The following THSD7A variants were observed in gnomAD, a reference collection of about 807,000 sequenced individuals.
THSD7A encodes the protein thrombospondin type 1 domain containing 7A.
In THSD7A, 96 loss-of-function variants were observed where a neutral mutation model predicts 231.3. The observed-to-expected ratio is 0.41, with a 90% confidence interval of 0.35 to 0.49. The LOEUF (loss-of-function observed/expected upper bound fraction) is 0.49. THSD7A is among the 20% of genes least tolerant of loss of function. The pLI, the probability that THSD7A is intolerant of heterozygous loss-of-function variation, is 0.05. For missense variants in THSD7A, 2,290 were observed against 2,070.2 expected (o/e 1.11, Z -2.06); for synonymous variants, 940 against 743.3 (o/e 1.26, Z -4.30).
intron 1 of THSD7A, among the ~76,000 whole-genome samples, chr7:11,793,186 A>C (rs900961634): frequency 6.6e-6 from 1 of 151,994 alleles, no homozygotes; most frequent in Admixed American, 6.6e-5. Flanking sequence ...GTAAAAAAAT[A>C]AAGATGGGGT....
intron 7 of THSD7A, among the ~76,000 whole-genome samples, chr7:11,475,995 A>G (rs1786158803): frequency 6.7e-6 from 1 of 149,406 alleles, no homozygotes; most frequent in South Asian, 2.1e-4. Context: ...GAGTTAACAA[A>G]TTGTATACCC....
chr7:11,622,124 C>G lies in THSD7A; in HGVS notation c.1022+14006G>C, dbSNP rs534705298. ...AAAATGTATATATTTACAAAGTAAA[C>G]ATTTATCTTTTTAATATTGGTCTTG... On this transcript the variant is annotated intron_variant, in intron 2 of 27. Coordinates refer to ENST00000423059, the MANE Select transcript of THSD7A (RefSeq NM_015204.3). 5.3e-5 allele frequency among the ~76,000 whole-genome samples: 8 copies of G among 152,026 alleles called. No homozygotes were observed. The South Asian group carries it at 1.7e-3, about 31-fold the overall frequency.
chr7:11,764,880 A>G (rs553902667), intron 1 of THSD7A, among the ~76,000 whole-genome samples: 1 of 152,202 alleles, frequency 6.6e-6, no homozygotes, highest in South Asian at 2.1e-4. Flanking sequence ...AGGAAAAACT[A>G]TGAAAAATTA....
intron 1 of THSD7A, among the ~76,000 whole-genome samples, chr7:11,679,069 A>G (rs1326475601): frequency 6.6e-6 from 1 of 152,216 alleles, no homozygotes; most frequent in Non-Finnish European, 1.5e-5. Context: ...AATGTAATCC[A>G]TCACATAAAC....
rs11372558 is a variant in THSD7A at position 11,408,503 on chromosome 7, TA to T, written c.3799-1081del. 4.9e-3 allele frequency among the ~76,000 whole-genome samples: 664 copies of T among 135,274 alleles called. 4 individuals are homozygous for T. The highest frequency in any genetic ancestry group is 0.014 in the African/African-American group (528 of 37,174). 88.7% of individuals were successfully genotyped at this position (135,274 alleles called of 152,430 possible). On this transcript the variant is annotated intron_variant, in intron 19 of 27. Transcript: ENST00000423059. ...ATAGAGCAAGACTCTGTCTCCAAAA[TA>T]AAAAAAAAAAAATGAAAAGAAAGAA...
At chr7:11,513,215 G>A (rs995230505) in intron 6 of THSD7A, among the ~76,000 whole-genome samples, 4 of 151,622 alleles carry the variant, frequency 2.6e-5, no homozygotes, top group African/African-American at 9.7e-5. Flanking sequence ...AGCATATACT[G>A]CTCGGGTGAT....
intron 1 of THSD7A, among the ~76,000 whole-genome samples, chr7:11,753,910 A>G (rs1156788807): frequency 6.6e-6 from 1 of 152,032 alleles, no homozygotes; most frequent in African/African-American, 2.4e-5. Context: ...GAATACCACA[A>G]AACAGAGGCA....
intron 22 of THSD7A, among the ~76,000 whole-genome samples, 198 bp from the exon 23 acceptor site, chr7:11,402,166 G>A (rs1783428861): frequency 1.3e-5 from 2 of 152,070 alleles, no homozygotes; most frequent in Admixed American, 6.6e-5. Flanking sequence ...TTTCCGTATG[G>A]CTATTACTGG....
Position 11,831,033 on chromosome 7 carries a change from T to G in THSD7A, c.190+724A>C, listed in dbSNP as rs2128189647. On this transcript the variant is annotated intron_variant, in intron 1 of 27. Transcript: ENST00000423059. This position sits in a 1 kb window ranked among gnomAD's most constrained non-coding sequence, Gnocchi z 5.0. ...CCTCACTCCGTATTGTTTTCCTGCC[T>G]GTCACGGCCCCCGCCAGAAACTCCA... is the stretch of plus-strand genomic sequence containing the variant. Among the ~76,000 whole-genome samples, 1 of 152,322 alleles carries G rather than the reference T, an allele frequency of 6.6e-6. No individual in the cohort carries two copies. The highest frequency in any genetic ancestry group is 2.1e-4 in the South Asian group (1 of 4,824).
chr7:11,600,903 T>A (rs1490760406), intron 2 of THSD7A, among the ~76,000 whole-genome samples: 1 of 152,154 alleles, frequency 6.6e-6, no homozygotes, highest in East Asian at 1.9e-4. Context: ...GGGAAGAAGA[T>A]CATCTGAGAG....
chr7:11,691,561 C>A (rs1388545982), intron 1 of THSD7A, among the ~76,000 whole-genome samples: 4 of 151,294 alleles, frequency 2.6e-5, no homozygotes, highest in Non-Finnish European at 5.9e-5. Context: ...GAGTCATACA[C>A]AAAAATTATA....
chr7:11,653,484 G>GTGTA (rs2128369637), intron 1 of THSD7A, among the ~76,000 whole-genome samples: 1 of 150,546 alleles, frequency 6.6e-6, no homozygotes, highest in Admixed American at 6.7e-5. Flanking sequence ...GTGTGTGTGT[G>GTGTA]TGTGTGTGTG....
At chr7:11,493,990 A>C (rs1787000526) in intron 6 of THSD7A, among the ~76,000 whole-genome samples, 2 of 152,100 alleles carry the variant, frequency 1.3e-5, no homozygotes, top group Admixed American at 6.6e-5. Context: ...ATTTATACCA[A>C]TACACCTTAG....
At chr7:11,457,076 A>G (rs1429345356) in intron 11 of THSD7A, among the ~76,000 whole-genome samples, 1 of 152,096 alleles carries the variant, frequency 6.6e-6, no homozygotes, top group Admixed American at 6.6e-5. Flanking sequence ...ATGATAAGGT[A>G]TAATCGCTTT....
At chr7:11,625,751 G>C (rs1303656742) in intron 2 of THSD7A, among the ~76,000 whole-genome samples, 1 of 151,986 alleles carries the variant, frequency 6.6e-6, no homozygotes, top group Non-Finnish European at 1.5e-5. Context: ...CCTCTTTTAT[G>C]GGAATTTGTA....
At chr7:11,603,285 C>T (rs2128345411) in intron 2 of THSD7A, among the ~76,000 whole-genome samples, 1 of 150,240 alleles carries the variant, frequency 6.7e-6, no homozygotes, top group South Asian at 2.1e-4. Flanking sequence ...AAATGCTCAT[C>T]ATCACTGGCC....
intron 6 of THSD7A, among the ~76,000 whole-genome samples, chr7:11,522,168 G>A (rs886293096): frequency 2.0e-5 from 3 of 152,104 alleles, no homozygotes; most frequent in East Asian, 1.9e-4. Context: ...GCTGTTTGCC[G>A]GAGTGAGGGC....
chr7:11,773,522 G>C (rs1253240114), intron 1 of THSD7A, among the ~76,000 whole-genome samples: 1 of 152,006 alleles, frequency 6.6e-6, no homozygotes, highest in Non-Finnish European at 1.5e-5. Context: ...ATAAGAGCGA[G>C]ACTCCATCTC....
At chr7:11,562,131 A>T (rs1043275632) in intron 4 of THSD7A, among the ~76,000 whole-genome samples, 1 of 152,208 alleles carries the variant, frequency 6.6e-6, no homozygotes, top group Non-Finnish European at 1.5e-5. Context: ...TCATCTGAAA[A>T]TGAATCCCCA....
Sources: gnomAD v4.1 joint callset for allele counts (sites outside exome capture counted in the v4.1 genomes callset) on GRCh38, gnomAD v4.1.1 for gene constraint, Gnocchi (gnomAD v3.1) non-coding constraint, MANE v1.5 for transcripts, NCBI Gene and HGNC (gene_info 2026-07-23, HGNC 2026-07-21) for gene names.